PTPRN2: variants seen among roughly 807,000 people sequenced by gnomAD.
PTPRN2 encodes the protein protein tyrosine phosphatase receptor type N2, also known as receptor-type tyrosine-protein phosphatase N2.
PTPRN2 carries 74 observed loss-of-function variants against 118.8 expected under a neutral mutation model. The ratio of observed to expected loss-of-function variants is 0.62; its 90% CI spans 0.52 to 0.76. The LOEUF (loss-of-function observed/expected upper bound fraction) is 0.76. Ranked by LOEUF, PTPRN2 falls within the 30% of genes least tolerant of loss-of-function variation. PTPRN2 has a pLI of 0.00. For synonymous variants in PTPRN2, 641 were observed against 608.0 expected (o/e 1.05, Z -0.80); for missense variants, 1,481 against 1,394.4 (o/e 1.06, Z -0.99).
intron 11 of PTPRN2, among the ~76,000 whole-genome samples, chr7:158,017,636 C>T (rs1028206526): frequency 1.3e-4 from 20 of 152,116 alleles, no homozygotes; most frequent in African/African-American, 4.8e-4. Context: ...ACTCAGCAGC[C>T]GAGAACAGGG....
intron 11 of PTPRN2, among the ~76,000 whole-genome samples, chr7:157,908,570 C>T (rs1406849485): frequency 2.0e-5 from 3 of 152,210 alleles, no homozygotes; most frequent in Admixed American, 6.5e-5. Context: ...GGAGGCGCCC[C>T]GCAGCACCCC....
In PTPRN2 at chr7:158,225,435, C is replaced by T. The variant is rs548835610; in HGVS notation, c.278-20162G>A. On this transcript the variant is annotated intron_variant, in intron 3 of 22. Coordinates refer to ENST00000389418, the MANE Select transcript of PTPRN2 (RefSeq NM_002847.5). ...ACACCACAGCCTCGCTGAATCTCCC[C>T]GGAACTGTGCTGAGGCAAAAAGCCA... 5.3e-5 allele frequency among the ~76,000 whole-genome samples: 8 copies of T among 152,130 alleles called. No individual in the cohort carries two copies. In the South Asian group the frequency reaches 6.2e-4, roughly 12 times the overall value.
chr7:157,886,891 C>T (rs1200831196), intron 12 of PTPRN2, among the ~76,000 whole-genome samples: 1 of 28,566 alleles, frequency 3.5e-5, no homozygotes, highest in South Asian at 1.1e-3. Flanking sequence ...TCTGGGCCAT[C>T]GAGGTCCTTG....
At chr7:157,753,749 CT>C (rs1395727126) in intron 12 of PTPRN2, among the ~76,000 whole-genome samples, 3 of 152,210 alleles carry the variant, frequency 2.0e-5, no homozygotes, top group African/African-American at 7.2e-5. Flanking sequence ...TGCCCTAACG[CT>C]TCCCAGATCG....
chr7:157,895,002 A>G (rs573995381), intron 12 of PTPRN2, among the ~76,000 whole-genome samples: 2 of 152,010 alleles, frequency 1.3e-5, no homozygotes, highest in Non-Finnish European at 2.9e-5. Context: ...TGCTGAGGGT[A>G]AGCTCACAAT....
intron 3 of PTPRN2, among the ~76,000 whole-genome samples, chr7:158,213,246 GTGTGT>G (rs1563611706): frequency 4.0e-5 from 6 of 150,664 alleles, no homozygotes; most frequent in African/African-American, 9.8e-5. Context: ...GTGTGTGTGT[GTGTGT>G]GGCGTAGGAA....
intron 11 of PTPRN2, among the ~76,000 whole-genome samples, chr7:158,021,259 AATTGGATGCT>A (rs1806851562): frequency 6.6e-6 from 1 of 152,192 alleles, no homozygotes; most frequent in Non-Finnish European, 1.5e-5. Context: ...ATTAGGAAAG[AATTGGATGCT>A]ATTCAAGCCA....
chr7:158,160,151 T>A (rs967447692), intron 6 of PTPRN2, among the ~76,000 whole-genome samples: 1 of 152,154 alleles, frequency 6.6e-6, no homozygotes, highest in African/African-American at 2.4e-5. Context: ...AACTGTAGAC[T>A]TCGTTTTAAG....
intron 2 of PTPRN2, among the ~76,000 whole-genome samples, chr7:158,417,974 A>C (rs567298446): frequency 0.01 from 1,415 of 140,274 alleles, 15 homozygotes; most frequent in African/African-American, 0.038. Flanking sequence ...TCTAGCTCTC[A>C]GTGTCCCACT....
rs151239752 is a variant in PTPRN2, at chr7:158,278,963, C to G, written c.277+37856G>C. Reference sequence around the variant, plus strand: ...TCCTCGTGGTGGATTTGTGGTCTCACTGGCCTCAGGAGTGAAGCTGCAGAC... The same window carrying G: ...TCCTCGTGGTGGATTTGTGGTCTCAGTGGCCTCAGGAGTGAAGCTGCAGAC... On this transcript the variant is annotated intron_variant, in intron 3 of 22. Transcript: ENST00000389418. Among the ~76,000 whole-genome samples the G allele has an allele frequency of 6.1e-3, 934 of 152,280 alleles. 5 individuals are homozygous for G. The highest frequency in any genetic ancestry group is 0.011 in the Non-Finnish European group (770 of 68,030).
intron 18 of PTPRN2, among the ~76,000 whole-genome samples, 187 bp downstream of exon 18, chr7:157,577,834 G>A (rs1393977680): frequency 6.6e-6 from 1 of 152,054 alleles, no homozygotes; most frequent in African/African-American, 2.4e-5. Context: ...CCTGAACATG[G>A]GGTGCGCTGA....
intron 12 of PTPRN2, among the ~76,000 whole-genome samples, chr7:157,685,493 C>T (rs1797142274): frequency 6.6e-6 from 1 of 152,122 alleles, no homozygotes; most frequent in South Asian, 2.1e-4. Flanking sequence ...GCTCCGGCTC[C>T]CCGAGGAAGG....
intron 2 of PTPRN2, among the ~76,000 whole-genome samples, chr7:158,400,291 G>A (rs1267455011): frequency 6.6e-6 from 1 of 152,112 alleles, no homozygotes; most frequent in Non-Finnish European, 1.5e-5. Context: ...TATGTGGACA[G>A]GGCAGTCGTC....
Position 158,566,273 on chromosome 7 carries a change from G to A in PTPRN2, c.112+21285C>T, listed in dbSNP as rs891923629. Among the ~76,000 whole-genome samples the A allele has an allele frequency of 2.6e-5, 4 of 151,826 alleles. No individual in the cohort carries two copies. In the South Asian group the frequency reaches 8.3e-4, roughly 31 times the overall value. Reference sequence around the variant, plus strand: ...GGAGACTGAGGCAGGAGAATTGCTTGAACCCAGGAGGAGGAAATTGCAGTG... The same window carrying A: ...GGAGACTGAGGCAGGAGAATTGCTTAAACCCAGGAGGAGGAAATTGCAGTG... On this transcript the variant is annotated intron_variant, in intron 1 of 22. Coordinates refer to ENST00000389418, the MANE Select transcript of PTPRN2 (RefSeq NM_002847.5).
chr7:158,412,741 C>G (rs549907026), intron 2 of PTPRN2, among the ~76,000 whole-genome samples: 2 of 137,302 alleles, frequency 1.5e-5, no homozygotes, highest in South Asian at 2.6e-4. Context: ...TCCTCAGCAC[C>G]AGGGCCCAGC....
intron 2 of PTPRN2, among the ~76,000 whole-genome samples, chr7:158,371,920 A>G (rs915503697): frequency 6.6e-6 from 1 of 152,236 alleles, no homozygotes; most frequent in African/African-American, 2.4e-5. Context: ...GGAGAGATGA[A>G]CCTCACACAG....
intron 3 of PTPRN2, among the ~76,000 whole-genome samples, chr7:158,221,412 A>G (rs1265932551): frequency 6.6e-6 from 1 of 152,186 alleles, no homozygotes; most frequent in Non-Finnish European, 1.5e-5. Context: ...AGCAACTATT[A>G]ACAGGTAAAT....
Position 157,784,654 on chromosome 7 carries a change from G to T in PTPRN2, c.1789-101717C>A, listed in dbSNP as rs866587517. Among the ~76,000 whole-genome samples, 31 of 119,800 alleles carry T rather than the reference G, an allele frequency of 2.6e-4. 2 individuals carry two copies. Among genetic ancestry groups the T allele is most frequent in the Admixed American group, 1.8e-3 (22 of 12,246 alleles). The allele number at this position is 119,800 out of a possible 152,430, so 78.6% of individuals were successfully genotyped here. A position where few individuals can be genotyped will look rare whatever the true frequency, so the allele number is the denominator to read the frequency against. ...AACGGGCAGGGGCTGGGCTGATCCCGTATGAAACGGGCAGGGGCTGGGCTG... is the reference window on the plus strand; with the variant it reads ...AACGGGCAGGGGCTGGGCTGATCCCTTATGAAACGGGCAGGGGCTGGGCTG... On this transcript the variant is annotated intron_variant, in intron 12 of 22. Coordinates refer to ENST00000389418, the MANE Select transcript of PTPRN2 (RefSeq NM_002847.5). The surrounding 1 kb of genome is among the most constrained non-coding windows in gnomAD (Gnocchi z 4.6).
chr7:158,268,534 A>T (rs2004588), intron 3 of PTPRN2, among the ~76,000 whole-genome samples: 2 of 116,032 alleles, frequency 1.7e-5, no homozygotes, highest in African/African-American at 6.6e-5. Flanking sequence ...TATCCCAGCC[A>T]CACGCACACA....
Sources: allele counts gnomAD v4.1 joint callset (sites outside exome capture counted in the v4.1 genomes callset), GRCh38; gene constraint gnomAD v4.1.1; non-coding constraint Gnocchi (gnomAD v3.1); transcripts MANE v1.5; gene names NCBI Gene and HGNC (gene_info 2026-07-23, HGNC 2026-07-21).